MVP: variants seen among roughly 807,000 people sequenced by gnomAD.
The protein encoded by MVP is major vault protein, also known as lung resistance-related protein.
MVP carries 62 observed loss-of-function variants against 83.5 expected under a neutral mutation model. That is an observed-to-expected ratio of 0.74 (90% CI 0.61 to 0.92). The LOEUF (loss-of-function observed/expected upper bound fraction) is 0.92, where lower values mean the gene tolerates loss of function less well. MVP is among the 40% of genes least tolerant of loss of function. The pLI is 0.00. For synonymous variants in MVP, 505 were observed against 504.1 expected (o/e 1.00, Z -0.02); for missense variants, 1,000 against 1,203.4 (o/e 0.83, Z 2.50).
chr16:29,834,697 TGAGACG>T, intron 5 of MVP: 1 of 151,132 alleles, frequency 6.6e-6, no homozygotes, highest in East Asian at 1.9e-4. Context: ...TTTTTTTTTT[TGAGACG>T]GAGTCTTGCT....
chr16:29,835,480 C>CAAA (rs59649743), intron 5 of MVP: 769 of 72,410 alleles, frequency 0.011, no homozygotes, highest in South Asian at 0.038. Flanking sequence ...GACTCCGTCT[C>CAAA]AAAAAAAAAA....
chr16:29,827,093 G>A (rs1332948454), intron 1 of MVP, among the ~76,000 whole-genome samples: 1 of 152,078 alleles, frequency 6.6e-6, no homozygotes, highest in African/African-American at 2.4e-5. Flanking sequence ...TAAGAGTGGC[G>A]AGAGGAACAG....
chr16:29,845,772 G>C, intron 11 of MVP, 91 bp from the exon 12 acceptor site: 3 of 1,125,244 alleles, frequency 2.7e-6, no homozygotes, highest in Non-Finnish European at 3.9e-6. Context: ...TCTGTCCTGG[G>C]CACCGGTTTG....
intron 7 of MVP, among the ~76,000 whole-genome samples, chr16:29,839,530 C>T (rs756472798): frequency 6.6e-6 from 1 of 152,118 alleles, no homozygotes; most frequent in Non-Finnish European, 1.5e-5. Flanking sequence ...CATCTATAAT[C>T]CCAGCACTTT....
Position 29,833,740 on chromosome 16 carries a change from C to A in MVP, c.329C>A (p.Thr110Lys), listed in dbSNP as rs1388742653. The change falls in exon 4 of 15, where the codon ACA becomes AAA. Residue 110 changes from threonine (T) to lysine (K), a missense_variant. Transcript: ENST00000357402. ...CACCTTCTTCCCCACTAGGACATCA[C>A]ACCCCTGCAGGTGGTTCTGCCCAAC... ...YPGEVLEKDI[T>K]PLQVVLPNTA... 1.9e-6 allele frequency: 3 copies of A among 1,614,052 alleles called. No homozygotes were observed. Among genetic ancestry groups the A allele is most frequent in the Non-Finnish European group, 2.5e-6 (3 of 1,179,988 alleles).
At chr16:29,827,485 A>G (rs77606922) in intron 1 of MVP, among the ~76,000 whole-genome samples, 1,883 of 152,318 alleles carry the variant, frequency 0.012, 64 homozygotes, top group East Asian at 0.1. Context: ...AGGACCAGGC[A>G]TTCCACCAGG....
intron 1 of MVP, among the ~76,000 whole-genome samples, chr16:29,824,478 C>T (rs1212929658): frequency 2.6e-5 from 4 of 152,058 alleles, no homozygotes; most frequent in African/African-American, 9.7e-5. Context: ...TTAAGACTCA[C>T]TAGGGGCCAG....
chr16:29,835,886 T>G lies in MVP; in HGVS notation c.672+88T>G, dbSNP rs1596918975. On this transcript the variant is annotated intron_variant, in intron 6 of 14. Transcript: ENST00000357402. The stretch of plus-strand genomic sequence containing the variant: ...GAATGGTGGTAGAATGGCATGAGAG[T>G]AAAAGAGAAGCAATAATTTTAGGGT... 3 of 1,073,014 alleles carry G rather than the reference T, an allele frequency of 2.8e-6. No individual in the cohort carries two copies. In the East Asian group the frequency reaches 7.6e-5, roughly 27 times the overall value. The allele number at this position is 1,073,014 out of a possible 1,614,324, so 66.5% of individuals were successfully genotyped here.
chr16:29,842,283 T>G (rs2067542203), intron 10 of MVP, among the ~76,000 whole-genome samples, 171 bp downstream of exon 10: 1 of 152,000 alleles, frequency 6.6e-6, no homozygotes, highest in Admixed American at 6.6e-5. Context: ...TGTTTTTTGT[T>G]TTTTTAGTTT....
At chr16:29,843,500 C>CAGAGGAAG (rs2067550923) in intron 10 of MVP, among the ~76,000 whole-genome samples, 1 of 47,346 alleles carries the variant, frequency 2.1e-5, no homozygotes, top group Non-Finnish European at 4.0e-5. Context: ...GACCCTGTCT[C>CAGAGGAAG]GGAGGAAGGG....
chr16:29,826,858 C>T (rs1176932943), intron 1 of MVP, among the ~76,000 whole-genome samples: 3 of 141,726 alleles, frequency 2.1e-5, no homozygotes, highest in Non-Finnish European at 1.5e-5. Context: ...ACTGGGGAGG[C>T]GGAGGTTGCG....
chr16:29,827,809 G>C (rs547276473), intron 1 of MVP, among the ~76,000 whole-genome samples: 1 of 151,522 alleles, frequency 6.6e-6, no homozygotes, highest in Non-Finnish European at 1.5e-5. Context: ...CCAGCTACTC[G>C]GGAGGCTGAG....
chr16:29,821,659 C>A (rs918525567), intron 1 of MVP, among the ~76,000 whole-genome samples: 2 of 152,172 alleles, frequency 1.3e-5, no homozygotes, highest in African/African-American at 4.8e-5. Flanking sequence ...AGTTTGTGGT[C>A]TCTACAGTTA....
In MVP at chr16:29,841,997, C is replaced by T. The variant is rs146411255; in HGVS notation, c.1519C>T (p.Arg507Cys). The T allele has an allele frequency of 1.8e-3, 2,924 of 1,612,258 alleles. 6 individuals are homozygous for T. Among genetic ancestry groups the T allele is most frequent in the Middle Eastern group, 4.1e-3 (25 of 6,060 alleles). Residue 507 changes from arginine (R) to cysteine (C), a missense_variant, in exon 10 of 15, where the codon CGT becomes TGT. Physicochemically the swap from Arg to Cys is radical, Grantham distance 180. Transcript: ENST00000357402. This position sits in a 1 kb window ranked among gnomAD's most constrained non-coding sequence, Gnocchi z 4.7. ...VLSLSAGRPK[R>C]PHARRALCLL... ...GTCCCTCTCAGCTGGGCGGCCCAAG[C>T]GTCCCCATGCCCGCCGTGCGCTCTG...
Position 29,836,753 on chromosome 16 carries a change from TC to T in MVP, c.706del (p.Arg236GlyfsTer16), listed in dbSNP as rs1567391998. The T allele has an allele frequency of 3.1e-6, 5 of 1,604,236 alleles. No homozygotes were observed. The highest frequency in any genetic ancestry group is 2.2e-5 in the South Asian group (2 of 90,492). On this transcript the variant is annotated frameshift_variant, in exon 7 of 15. Coordinates refer to ENST00000357402, the MANE Select transcript of MVP (RefSeq NM_005115.5). LOFTEE classifies it high-confidence loss of function. ...CTGCACCTCCGGGCTCGGCGGAACT[TC>T]CGGGACTTCAGGGGAGTGTCCCGCC... ...TALHLRARRN[F>X]RDFRGVSRRT... is the part of the protein sequence containing the mutation.
At chr16:29,836,644 A>G (rs957978500) in intron 6 of MVP, 78 bp from the exon 7 acceptor site, 1 of 1,156,344 alleles carries the variant, frequency 8.6e-7, no homozygotes, top group African/African-American at 1.6e-5. Context: ...CATTGGGAGC[A>G]TTTGGTGGCC....
At chr16:29,829,454 C>CAAAAAAAA (rs34314929) in intron 1 of MVP, among the ~76,000 whole-genome samples, 1 of 52,658 alleles carries the variant, frequency 1.9e-5, no homozygotes. Flanking sequence ...GACTCCGTCT[C>CAAAAAAAA]AAAAAAAAAA....
At chr16:29,830,321 G>A in intron 1 of MVP, 194 bp from the exon 2 acceptor site, 1 of 473,766 alleles carries the variant, frequency 2.1e-6, no homozygotes, top group Non-Finnish European at 3.9e-6. Context: ...CAAAGGTAAG[G>A]TCAGGATGGG....
intron 1 of MVP, among the ~76,000 whole-genome samples, chr16:29,827,448 G>A (rs1014864793): frequency 2.0e-5 from 3 of 152,148 alleles, no homozygotes; most frequent in Admixed American, 2.0e-4. Context: ...CCCGAGCCAC[G>A]GGACCATGAT....
Sources: gnomAD v4.1 joint callset for allele counts (sites outside exome capture counted in the v4.1 genomes callset) on GRCh38, gnomAD v4.1.1 for gene constraint, Gnocchi (gnomAD v3.1) non-coding constraint, MANE v1.5 for transcripts, NCBI Gene and HGNC (gene_info 2026-07-23, HGNC 2026-07-21) for gene names.